FNBP1: variants seen among roughly 807,000 people sequenced by gnomAD.
The protein encoded by FNBP1 is formin binding protein 1.
FNBP1 carries 26 observed loss-of-function variants against 90.6 expected under a neutral mutation model. The observed-to-expected ratio is 0.29, with a 90% CI of 0.21 to 0.40. The LOEUF is 0.40. FNBP1 is among the 10% of genes least tolerant of loss of function. The pLI is 1.00. For missense variants in FNBP1, 635 were observed against 768.0 expected (o/e 0.83, Z 2.05); for synonymous variants, 260 against 265.2 (o/e 0.98, Z 0.19).
intron 1 of FNBP1, among the ~76,000 whole-genome samples, chr9:130,032,908 G>A (rs1351430761): frequency 1.3e-5 from 2 of 151,774 alleles, no homozygotes. Flanking sequence ...CTATTAATAT[G>A]ACCTCCTGAA....
At chr9:129,937,404 A>G (rs1285209925) in intron 6 of FNBP1, among the ~76,000 whole-genome samples, 1 of 152,182 alleles carries the variant, frequency 6.6e-6, no homozygotes. Flanking sequence ...GCCATATTTA[A>G]TAAGATGAAG....
chr9:129,910,124 A>G (rs1255975728), intron 11 of FNBP1: 1 of 456,294 alleles, frequency 2.2e-6, no homozygotes, highest in Non-Finnish European at 4.4e-6. Flanking sequence ...CTTACTTGTT[A>G]GAAAGCTCTG....
At chr9:129,922,951 G>C (rs906838791) in intron 10 of FNBP1, among the ~76,000 whole-genome samples, 3 of 151,906 alleles carry the variant, frequency 2.0e-5, no homozygotes, top group Non-Finnish European at 4.4e-5. Context: ...GAACTCCTGA[G>C]CTCAAGTAAT....
intron 4 of FNBP1, among the ~76,000 whole-genome samples, chr9:129,973,881 G>A (rs1428993190): frequency 2.0e-5 from 3 of 151,126 alleles, no homozygotes; most frequent in Non-Finnish European, 4.4e-5. Flanking sequence ...TGCCATCTCA[G>A]CTCACTGCAA....
chr9:129,960,234 G>T (rs185063723), intron 4 of FNBP1, among the ~76,000 whole-genome samples: 1 of 151,504 alleles, frequency 6.6e-6, no homozygotes, highest in African/African-American at 2.4e-5. Flanking sequence ...AAAACTGGCC[G>T]GGCGTGGTGG....
At chr9:130,024,232 A>G (rs2058124365) in intron 1 of FNBP1, among the ~76,000 whole-genome samples, 1 of 151,746 alleles carries the variant, frequency 6.6e-6, no homozygotes, top group African/African-American at 2.4e-5. Context: ...CAACATAGTG[A>G]GATCCTATCT....
At position 129,890,108 on chromosome 9, in the gene FNBP1, T is replaced by C. The variant is rs2034971443; in HGVS notation, c.*431A>G. 6.9e-6 allele frequency: 2 copies of C among 290,994 alleles called. No homozygotes were observed. Among genetic ancestry groups the C allele is most frequent in the Non-Finnish European group, 6.5e-6 (1 of 154,268 alleles). 18.0% of individuals were successfully genotyped at this position (290,994 alleles called of 1,614,324 possible). A position where few individuals can be genotyped will look rare whatever the true frequency, so the allele number is the denominator to read the frequency against. ...GACACGGATGACATCGAGTGCTCAG[T>C]CCGCCTGATGTGCGCTGGACCTGCC... is the stretch of plus-strand genomic sequence containing the variant. On this transcript the variant is annotated 3_prime_UTR_variant, in exon 17 of 17. Transcript: ENST00000446176. The surrounding 1 kb of genome is among the most constrained non-coding windows in gnomAD (Gnocchi z 5.8).
chr9:129,922,940 T>G (rs2041314587), intron 10 of FNBP1, among the ~76,000 whole-genome samples: 1 of 152,094 alleles, frequency 6.6e-6, no homozygotes, highest in East Asian at 1.9e-4. Flanking sequence ...TGGCTGGTCT[T>G]GAACTCCTGA....
At chr9:129,980,228 C>T (rs1174381773) in intron 2 of FNBP1, among the ~76,000 whole-genome samples, 4 of 151,520 alleles carry the variant, frequency 2.6e-5, no homozygotes, top group African/African-American at 4.8e-5. Context: ...GGCATGGTGG[C>T]GCATGCCTGT....
upstream of FNBP1, among the ~76,000 whole-genome samples, chr9:130,048,030 G>C (rs2060070219): frequency 6.6e-6 from 1 of 151,994 alleles, no homozygotes; most frequent in African/African-American, 2.4e-5. Context: ...TGAGAAGACA[G>C]GGATCTTGGC....
chr9:129,929,103 A>AAAAAC (rs1377750414), intron 7 of FNBP1, among the ~76,000 whole-genome samples: 8 of 151,406 alleles, frequency 5.3e-5, no homozygotes, highest in Admixed American at 4.0e-4. Context: ...CTCAAAAAAC[A>AAAAAC]AAAACAAAAC....
At chr9:129,911,916 G>A (rs567439570) in intron 11 of FNBP1, among the ~76,000 whole-genome samples, 1 of 142,340 alleles carries the variant, frequency 7.0e-6, no homozygotes, top group South Asian at 2.3e-4. Context: ...TGGGCGACGG[G>A]CGAGATTCTG....
intron 4 of FNBP1, among the ~76,000 whole-genome samples, chr9:129,962,800 G>A (rs1311046785): frequency 6.6e-6 from 1 of 152,172 alleles, no homozygotes; most frequent in African/African-American, 2.4e-5. Flanking sequence ...TTAAGAAGTA[G>A]AGCCAAGGAC....
chr9:130,053,784 C>T, the FNBP1 span: 2 of 722,586 alleles, frequency 2.8e-6, no homozygotes, highest in South Asian at 1.8e-5. Flanking sequence ...GGCTCCTCGA[C>T]GACTTCCTAG....
chr9:129,919,067 A>C (rs914082919), intron 10 of FNBP1: 2 of 416,848 alleles, frequency 4.8e-6, no homozygotes, highest in Non-Finnish European at 9.5e-6. Flanking sequence ...TGGAAGCATA[A>C]CAAGTGCCTC....
At chr9:129,895,438 TA>T in intron 16 of FNBP1, 1 of 1,113,292 alleles carries the variant, frequency 9.0e-7, no homozygotes, top group Non-Finnish European at 1.1e-6. Flanking sequence ...ATACTAGATA[TA>T]AACAAGAGTA....
At chr9:130,001,340 A>G (rs565456621) in intron 1 of FNBP1, among the ~76,000 whole-genome samples, 104 of 150,148 alleles carry the variant, frequency 6.9e-4, no homozygotes, top group African/African-American at 2.5e-3. Flanking sequence ...AAAAAAAAAC[A>G]GCTAATGGTG....
intron 2 of FNBP1, among the ~76,000 whole-genome samples, chr9:129,981,279 G>C (rs1020266349): frequency 2.0e-5 from 3 of 151,940 alleles, no homozygotes; most frequent in African/African-American, 7.2e-5. Context: ...AGTAGAGACG[G>C]GGTTTCACCA....
intron 10 of FNBP1, among the ~76,000 whole-genome samples, chr9:129,923,540 C>G (rs1168598556): frequency 6.6e-6 from 1 of 150,524 alleles, no homozygotes; most frequent in African/African-American, 2.4e-5. Flanking sequence ...GATCACGCCA[C>G]TGCACTCCAG....
Sources: gnomAD v4.1 joint callset for allele counts (sites outside exome capture counted in the v4.1 genomes callset) on GRCh38, gnomAD v4.1.1 for gene constraint, Gnocchi (gnomAD v3.1) non-coding constraint, MANE v1.5 for transcripts, NCBI Gene and HGNC (gene_info 2026-07-23, HGNC 2026-07-21) for gene names.